The following PARP10 variants were observed in gnomAD, a reference collection of about 807,000 sequenced individuals.
PARP10 encodes protein mono-ADP-ribosyltransferase PARP10.
PARP10 carries 56 observed loss-of-function variants against 82.4 expected under a neutral mutation model. The observed-to-expected ratio is 0.68, with a 90% CI of 0.55 to 0.85. PARP10 has a LOEUF of 0.85. Among genes scored for constraint, PARP10 ranks in the 40% least tolerant of loss-of-function variants. The pLI is 0.00. For synonymous variants in PARP10, 576 were observed against 601.1 expected, an observed-to-expected ratio of 0.96 and a Z score of 0.61; for missense variants, 1,227 against 1,379.4, an observed-to-expected ratio of 0.89 and a Z score of 1.75.
At chr8:144,000,040 G>A (rs187413160) in intron 1 of PARP10, among the ~76,000 whole-genome samples, 16 of 152,158 alleles carry the variant, frequency 1.1e-4, no homozygotes, top group East Asian at 9.6e-4. Context: ...GTAAGACATC[G>A]ACCCATAATC....
chr8:143,991,877 G>T, upstream of PARP10: 1 of 1,610,822 alleles, frequency 6.2e-7, no homozygotes, highest in Non-Finnish European at 8.5e-7. Flanking sequence ...TCCTTCCCCA[G>T]GTGTTCCTAG....
upstream of PARP10, chr8:143,992,397 C>T: frequency 6.2e-7 from 1 of 1,609,982 alleles, no homozygotes; most frequent in Non-Finnish European, 8.5e-7. Context: ...CGTGGCTGGG[C>T]TGTGGCCGCA....
At chr8:143,988,670 G>T (rs868906464), upstream of PARP10, among the ~76,000 whole-genome samples, 4 of 151,134 alleles carry the variant, frequency 2.6e-5, no homozygotes, top group Middle Eastern at 3.5e-3. Context: ...GGGTTTCACC[G>T]TGTTAGCCAG....
chr8:143,991,003 G>A (rs2133062392), upstream of PARP10: 2 of 392,768 alleles, frequency 5.1e-6, no homozygotes, highest in South Asian at 5.0e-5. Context: ...CCCTGGGAAG[G>A]CCCCACGGCG....
At chr8:143,994,372 C>A (rs1441865054), upstream of PARP10, among the ~76,000 whole-genome samples, 1 of 152,206 alleles carries the variant, frequency 6.6e-6, no homozygotes, top group Non-Finnish European at 1.5e-5. Flanking sequence ...CTCACCTGGC[C>A]TCCTCGCCTG....
chr8:143,985,850 G>A lies in PARP10; in HGVS notation c.307C>T (p.Gln103Ter), dbSNP rs782277808. The A allele has an allele frequency of 1.7e-5, 27 of 1,609,658 alleles. No homozygotes were observed. In the South Asian group the frequency reaches 2.7e-4, roughly 16 times the overall value. Residue 103 changes from glutamine to a stop codon, truncating the protein, a stop_gained, in exon 3 of 11, where the codon CAG (glutamine) becomes TAG (stop). Transcript: ENST00000313028. LOFTEE classifies it high-confidence loss of function. ...GCCTGGACATGCTGCTCCAAGCGCT[G>A]GGGCGTGGTGCCAGGGGGCAGTCCT... ...LQGLPPGTTP[Q>*]RLEQHVQALL...
intron 1 of PARP10, among the ~76,000 whole-genome samples, chr8:144,005,806 G>A (rs1429911308): frequency 6.6e-6 from 1 of 152,036 alleles, no homozygotes; most frequent in Non-Finnish European, 1.5e-5. Context: ...CTCCCAAGCA[G>A]CACCTTGTCA....
In PARP10 at chr8:143,986,079, C is replaced by A; in HGVS notation, c.157G>T (p.Val53Phe). 6.2e-7 allele frequency: 1 copy of A among 1,614,028 alleles called. No individual in the cohort carries two copies. The highest frequency in any genetic ancestry group is 8.5e-7 in the Non-Finnish European group (1 of 1,180,004). ...LSWQRLGCGGVLTFREPADAE... is the reference protein window; with the variant it reads ...LSWQRLGCGGFLTFREPADAE... ...CCTGCAGGCTCTCTGAAGGTGAGGA[C>A]GCCCCCACAGCCCAGTCTCTGCCAG... Residue 53 changes from valine (V) to phenylalanine (F), a missense_variant, in exon 2 of 11, where the codon GTC becomes TTC. Coordinates refer to ENST00000313028, the MANE Select transcript of PARP10 (RefSeq NM_032789.5).
intron 1 of PARP10, among the ~76,000 whole-genome samples, chr8:144,005,281 A>T (rs782104919): frequency 1.4e-4 from 21 of 152,032 alleles, no homozygotes; most frequent in Non-Finnish European, 2.8e-4. Flanking sequence ...ATGGAAATAC[A>T]GGAAGTGAGA....
At chr8:143,992,878 G>A (rs372941245), upstream of PARP10, 72 of 1,596,084 alleles carry the variant, frequency 4.5e-5, no homozygotes, top group African/African-American at 4.2e-4. Context: ...CAGGTGGCAC[G>A]GCTGGCCTGG....
At chr8:143,978,756 C>T (rs887013529) in intron 9 of PARP10, among the ~76,000 whole-genome samples, 17 of 152,096 alleles carry the variant, frequency 1.1e-4, no homozygotes, top group Admixed American at 2.6e-4. Context: ...TCCGAGGGAG[C>T]AGGTGAGGGG....
At chr8:143,978,184 T>C (rs1833755742) in intron 9 of PARP10, 103 bp from the exon 10 acceptor site, 1 of 1,335,862 alleles carries the variant, frequency 7.5e-7, no homozygotes, top group Non-Finnish European at 9.9e-7. Flanking sequence ...GTTGGAGGAG[T>C]CCAGGGTTTG....
At chr8:144,012,497 C>T in intron 1 of PARP10, 2 of 1,550,784 alleles carry the variant, frequency 1.3e-6, no homozygotes, top group Non-Finnish European at 1.7e-6. Context: ...GGGCCGCACC[C>T]TTGCCACTGC....
intron 9 of PARP10, among the ~76,000 whole-genome samples, chr8:143,981,472 GTGA>G (rs782115715): frequency 3.3e-5 from 3 of 89,920 alleles, no homozygotes; most frequent in African/African-American, 5.5e-5. Flanking sequence ...GAAGGTGGTG[GTGA>G]TGATGGTGGT....
upstream of PARP10, chr8:143,992,489 A>G (rs782670455): frequency 2.5e-6 from 4 of 1,614,110 alleles, no homozygotes; most frequent in Non-Finnish European, 2.5e-6. Context: ...CACCTCATGC[A>G]TGGGCGTGCT....
chr8:144,003,836 G>C (rs1554751881), intron 1 of PARP10, among the ~76,000 whole-genome samples: 1 of 151,016 alleles, frequency 6.6e-6, no homozygotes, highest in Non-Finnish European at 1.5e-5. Context: ...GACCAGCCTG[G>C]GCAACATAGT....
chr8:144,006,334 G>A (rs1247660338), intron 1 of PARP10, among the ~76,000 whole-genome samples: 2 of 152,236 alleles, frequency 1.3e-5, no homozygotes, highest in South Asian at 2.1e-4. Flanking sequence ...AGCAGGAGGA[G>A]GGACGTTATC....
chr8:143,981,349 A>ATGG (rs1340209342), intron 9 of PARP10, among the ~76,000 whole-genome samples: 6 of 58,780 alleles, frequency 1.0e-4, no homozygotes, highest in Admixed American at 5.4e-4. Context: ...GGTGAAGGTG[A>ATGG]TGGTGATGAT....
Position 143,986,430 on chromosome 8 carries a change from C to G in PARP10, c.-71G>C. ...CTCCTGTGCCTGCCCCTCAGCAAGCCTAACCCTGCTGGGAGCAGGAAAACA... is the reference window on the plus strand; with the variant it reads ...CTCCTGTGCCTGCCCCTCAGCAAGCGTAACCCTGCTGGGAGCAGGAAAACA... On this transcript the variant is annotated 5_prime_UTR_variant, in exon 1 of 11. Transcript: ENST00000313028. 2 of 1,612,370 alleles carry G rather than the reference C, an allele frequency of 1.2e-6. No homozygotes were observed. Among genetic ancestry groups the G allele is most frequent in the Middle Eastern group, 1.7e-4 (1 of 6,056 alleles).
Sources: gnomAD v4.1 joint callset for allele counts (sites outside exome capture counted in the v4.1 genomes callset) on GRCh38, gnomAD v4.1.1 for gene constraint, MANE v1.5 for transcripts, NCBI Gene and HGNC (gene_info 2026-07-23, HGNC 2026-07-21) for gene names.